SUN1: variants seen among roughly 807,000 people sequenced by gnomAD.
SUN1 encodes Sad1 and UNC84 domain containing 1.
In SUN1, 61 loss-of-function variants were observed where a neutral mutation model predicts 103.2. That is an observed-to-expected ratio of 0.59 (90% CI 0.48 to 0.73). The LOEUF (loss-of-function observed/expected upper bound fraction) is 0.73, where lower values mean the gene tolerates loss of function less well. SUN1 is among the 30% of genes least tolerant of loss of function. The pLI is 0.00. For missense variants in SUN1, 1,052 were observed against 1,034.6 expected, an observed-to-expected ratio of 1.02 and a Z score of -0.23; for synonymous variants, 490 against 425.7, an observed-to-expected ratio of 1.15 and a Z score of -1.86.
chr7:838,264 T>C (rs1230191987), intron 1 of SUN1, among the ~76,000 whole-genome samples: 1 of 152,224 alleles, frequency 6.6e-6, no homozygotes, highest in Non-Finnish European at 1.5e-5. Context: ...ATGGAAGGTA[T>C]TGGAAGTGAC....
In SUN1 at chr7:832,590, G is replaced by A. The variant is rs186275888; in HGVS notation, c.66G>A (p.Thr22=). ...PQCVPENTGY[T]YALSSSYSSD... The stretch of plus-strand genomic sequence containing the variant: ...GTGTGCCGGAGAACACGGGCTACAC[G>A]TATGCGCTCAGGTGAGTGTGCACCT... Residue 22 remains threonine (T), a synonymous_variant, in exon 1 of 19, where the codon ACG becomes ACA. Transcript: ENST00000401592. The A allele has an allele frequency of 1.4e-5, 22 of 1,611,818 alleles. No individual in the cohort carries two copies. Among genetic ancestry groups the A allele is most frequent in the Non-Finnish European group, 1.8e-5 (21 of 1,178,936 alleles).
At chr7:855,985 T>A (rs779422414) in intron 11 of SUN1, among the ~76,000 whole-genome samples, 16 of 152,344 alleles carry the variant, frequency 1.1e-4, no homozygotes, top group Middle Eastern at 6.8e-3. Flanking sequence ...AGCGTGGTGC[T>A]GCTGCGGATG....
rs1207237540 is a variant in SUN1 at position 854,695 on chromosome 7, G to A, written c.1264-225G>A. Among the ~76,000 whole-genome samples the A allele has an allele frequency of 2.0e-5, 3 of 152,312 alleles. No individual in the cohort carries two copies. In the East Asian group the frequency reaches 5.8e-4, roughly 29 times the overall value. On this transcript the variant is annotated intron_variant, in intron 10 of 18. Coordinates refer to ENST00000401592, the MANE Select transcript of SUN1 (RefSeq NM_001130965.3). ...GAGGTGGAGACCCATGGCCCAGGCT[G>A]GAGTGCAACCTTAAAATAAATATAT...
rs537431677 is a variant in SUN1 at position 843,371 on chromosome 7, G to A, written c.509G>A (p.Gly170Glu). Residue 170 changes from glycine to glutamate, a missense_variant, in exon 5 of 19, where the codon GGG becomes GAG. Physicochemically the swap from Gly to Glu is moderately conservative, Grantham distance 98 (BLOSUM62 -2). Transcript: ENST00000401592. ...GGNKAAIQGN[G>E]DVGAAAATAH... Reference sequence around the variant, plus strand: ...AATAAAGCTGCCATTCAGGGAAACGGGGATGTGGGAGCCGCCGCCGCCACC... The same window carrying A: ...AATAAAGCTGCCATTCAGGGAAACGAGGATGTGGGAGCCGCCGCCGCCACC... The A allele has an allele frequency of 6.2e-7, 1 of 1,609,234 alleles. No homozygotes were observed. Among genetic ancestry groups the A allele is most frequent in the African/African-American group, 1.3e-5 (1 of 74,894 alleles).
At chr7:846,614 C>G (rs189802780) in intron 5 of SUN1, among the ~76,000 whole-genome samples, 375 of 152,206 alleles carry the variant, frequency 2.5e-3, no homozygotes, top group Non-Finnish European at 2.8e-3. Flanking sequence ...GTGGCTCATG[C>G]CTGTAATCCC....
intron 16 of SUN1, 144 bp from the exon 17 acceptor site, chr7:869,205 A>G: frequency 2.0e-6 from 2 of 1,017,106 alleles, no homozygotes; most frequent in Non-Finnish European, 2.9e-6. Flanking sequence ...TGCCTTTCCC[A>G]GCTTATCTTC....
At chr7:818,447 A>G (rs186268427) in intron 1 of SUN1, among the ~76,000 whole-genome samples, 49 of 152,318 alleles carry the variant, frequency 3.2e-4, no homozygotes, top group African/African-American at 1.1e-3. Flanking sequence ...CTGTTGATGG[A>G]CACTTGGGCT....
intron 16 of SUN1, among the ~76,000 whole-genome samples, chr7:868,280 C>T (rs923844841): frequency 2.6e-5 from 4 of 152,248 alleles, no homozygotes; most frequent in African/African-American, 4.8e-5. Flanking sequence ...CTGTGTGTGC[C>T]TGGGGACGCT....
chr7:836,015 C>T (rs187704819), intron 1 of SUN1, among the ~76,000 whole-genome samples: 27 of 152,290 alleles, frequency 1.8e-4, no homozygotes, highest in East Asian at 1.9e-4. Flanking sequence ...CCATGGAGGC[C>T]GGGGGGCCTG....
upstream of SUN1, among the ~76,000 whole-genome samples, chr7:827,916 G>A (rs568691177): frequency 4.6e-5 from 7 of 152,164 alleles, 1 homozygote; most frequent in East Asian, 3.9e-4. Context: ...TTGTTTGTTC[G>A]TTTGTTTTTT....
intron 1 of SUN1, among the ~76,000 whole-genome samples, chr7:838,385 C>T (rs1403554962): frequency 2.0e-5 from 3 of 152,168 alleles, no homozygotes; most frequent in East Asian, 1.9e-4. Flanking sequence ...TCCTCTCCTG[C>T]GTGGATTCAT....
chr7:828,633 A>G (rs1398715956), upstream of SUN1, among the ~76,000 whole-genome samples: 3 of 152,196 alleles, frequency 2.0e-5, no homozygotes, highest in Non-Finnish European at 2.9e-5. Flanking sequence ...TGCAACCTTA[A>G]CAGAAGCCCT....
At chr7:845,073 G>GA (rs1157209650) in intron 5 of SUN1, among the ~76,000 whole-genome samples, 2 of 152,214 alleles carry the variant, frequency 1.3e-5, no homozygotes, top group Admixed American at 1.3e-4. Flanking sequence ...TACTATGGCA[G>GA]AATAAGGAGG....
At chr7:857,287 G>A (rs1027959300) in intron 12 of SUN1, among the ~76,000 whole-genome samples, 8 of 152,106 alleles carry the variant, frequency 5.3e-5, no homozygotes, top group South Asian at 2.1e-4. Context: ...GCTGGAGCAC[G>A]GTTTTCTCTC....
chr7:843,763 A>G (rs1812450790), intron 5 of SUN1: 2 of 1,428,224 alleles, frequency 1.4e-6, no homozygotes, highest in African/African-American at 2.9e-5. Context: ...TGACGTGAGC[A>G]AAAGAAAATT....
At chr7:816,740 GGGGGCCC>G (rs928306491) in intron 1 of SUN1, 8 of 147,248 alleles carry the variant, frequency 5.4e-5, no homozygotes, top group African/African-American at 1.7e-4. Flanking sequence ...GACGCGAGGC[GGGGGCCC>G]GGGGGCCGGG....
intron 13 of SUN1, among the ~76,000 whole-genome samples, chr7:859,925 C>T (rs1236738285): frequency 6.6e-6 from 1 of 152,170 alleles, no homozygotes; most frequent in Non-Finnish European, 1.5e-5. Flanking sequence ...ATCCCACGAG[C>T]TCACCTATTT....
chr7:817,474 C>CGGCTCACCAG (rs1562448760), intron 1 of SUN1: 2 of 1,536,158 alleles, frequency 1.3e-6, no homozygotes, highest in South Asian at 2.4e-5. Flanking sequence ...GGATTTCTCC[C>CGGCTCACCAG]GGCTCCCCAG....
At chr7:864,155 C>A (rs1834408463) in intron 15 of SUN1, among the ~76,000 whole-genome samples, 1 of 152,008 alleles carries the variant, frequency 6.6e-6, no homozygotes, top group Admixed American at 6.6e-5. Flanking sequence ...TTGATACAGG[C>A]ATGCAATGTG....
Sources: allele counts gnomAD v4.1 joint callset (sites outside exome capture counted in the v4.1 genomes callset), GRCh38; gene constraint gnomAD v4.1.1; transcripts MANE v1.5; gene names NCBI Gene and HGNC (gene_info 2026-07-23, HGNC 2026-07-21).